Variants in AGAP1 observed in about 807,000 individuals in gnomAD.
AGAP1 encodes ArfGAP with GTPase domain, ankyrin repeat and PH domain 1.
A neutral mutation model predicts 105.3 loss-of-function variants in AGAP1; 29 were observed. The observed-to-expected ratio is 0.28, with a 90% CI of 0.21 to 0.38. The LOEUF is 0.38. Ranked by LOEUF, AGAP1 falls within the 10% of genes least tolerant of loss-of-function variation. AGAP1 has a pLI of 1.00. For missense variants in AGAP1, 998 were observed against 1,165.1 expected, an observed-to-expected ratio of 0.86 and a Z score of 2.09; for synonymous variants, 509 against 485.9, an observed-to-expected ratio of 1.05 and a Z score of -0.63.
At chr2:235,671,071 C>T (rs1948391352) in intron 1 of AGAP1, 2 of 1,260,434 alleles carry the variant, frequency 1.6e-6, no homozygotes, top group South Asian at 3.0e-5. Flanking sequence ...GGCAGCGTGG[C>T]CGGGGGTCCC....
rs906151649 is a variant in AGAP1 at position 235,959,552 on chromosome 2, G to T, written c.1484-8910G>T. ...AACACCCAGCCCAGGAGAGGTCAGG[G>T]CCTGGCCTCCAGGTGGGTCCTCTCT... is the stretch of plus-strand genomic sequence containing the variant. On this transcript the variant is annotated intron_variant, in intron 12 of 17. Transcript: ENST00000304032. The surrounding 1 kb of genome is among the most constrained non-coding windows in gnomAD (Gnocchi z 7.3). Among the ~76,000 whole-genome samples the T allele has an allele frequency of 1.3e-5, 2 of 152,004 alleles. No homozygotes were observed. The highest frequency in any genetic ancestry group is 2.9e-5 in the Non-Finnish European group (2 of 67,984).
intron 9 of AGAP1, among the ~76,000 whole-genome samples, chr2:235,844,887 T>C (rs1396464310): frequency 6.6e-6 from 1 of 152,192 alleles, no homozygotes; most frequent in Non-Finnish European, 1.5e-5. Context: ...ATTCCCAAGA[T>C]GGCCTTCTGT....
chr2:235,503,788 G>A (rs1215925074), intron 1 of AGAP1, among the ~76,000 whole-genome samples: 1 of 152,130 alleles, frequency 6.6e-6, no homozygotes, highest in Admixed American at 6.6e-5. Flanking sequence ...TAGAGACGGG[G>A]TTTCACCATG....
rs1559290852 is a variant in AGAP1, at chr2:235,615,502, G to A, written c.164-93677G>A. 1.3e-5 allele frequency among the ~76,000 whole-genome samples: 2 copies of A among 151,994 alleles called. No homozygotes were observed. Among genetic ancestry groups the A allele is most frequent in the South Asian group, 2.1e-4 (1 of 4,824 alleles). On this transcript the variant is annotated intron_variant, in intron 1 of 17. Transcript: ENST00000304032. The surrounding 1 kb of genome is among the most constrained non-coding windows in gnomAD (Gnocchi z 5.0). Reference sequence around the variant, plus strand: ...TATTAAATCTTGCCTAAATTTATCCGTAAGCATGGATCAAATGCACATTTG... The same window carrying A: ...TATTAAATCTTGCCTAAATTTATCCATAAGCATGGATCAAATGCACATTTG...
chr2:235,524,688 G>A (rs1440983450), intron 1 of AGAP1: 4 of 172,280 alleles, frequency 2.3e-5, no homozygotes, highest in Non-Finnish European at 4.2e-5. Flanking sequence ...AAGGGACCCT[G>A]TGTCCAAGAG....
In AGAP1 at chr2:235,662,761, G is replaced by A. The variant is rs994028537; in HGVS notation, c.164-46418G>A. Among the ~76,000 whole-genome samples, 2 of 152,138 alleles carry A rather than the reference G, an allele frequency of 1.3e-5. No homozygotes were observed. Among genetic ancestry groups the A allele is most frequent in the African/African-American group, 4.8e-5 (2 of 41,440 alleles). On this transcript the variant is annotated intron_variant, in intron 1 of 17. Transcript: ENST00000304032. This position sits in a 1 kb window ranked among gnomAD's most constrained non-coding sequence, Gnocchi z 4.2. ...AGCTGCAGGAGTTGGGGTTTTCTGG[G>A]CTCACACCCAGCCTGTGTCCCTCAT...
chr2:235,971,916 C>T lies in AGAP1; in HGVS notation c.1645+3293C>T, dbSNP rs1010592372. ...ACCTCAGCCTCCCAAGTAGCTGGGA[C>T]CACAGGCAGGCACCACGACACCTGG... On this transcript the variant is annotated intron_variant, in intron 13 of 17. Coordinates refer to ENST00000304032, the MANE Select transcript of AGAP1 (RefSeq NM_001037131.3). This position sits in a 1 kb window ranked among gnomAD's most constrained non-coding sequence, Gnocchi z 4.8. Among the ~76,000 whole-genome samples the T allele has an allele frequency of 1.3e-5, 2 of 151,510 alleles. No homozygotes were observed. The highest frequency in any genetic ancestry group is 4.8e-5 in the African/African-American group (2 of 41,250).
At chr2:235,677,168 A>G (rs1948786730) in intron 1 of AGAP1, among the ~76,000 whole-genome samples, 1 of 152,180 alleles carries the variant, frequency 6.6e-6, no homozygotes, top group Non-Finnish European at 1.5e-5. Context: ...ACATTTAGCT[A>G]GTTTTAATTC....
rs1269424565 is a variant in AGAP1, at chr2:235,740,703, C to T, written c.311-260C>T. ...ATAGAAAGCCCACATGAGAAGTCCA[C>T]ACTAATTGGCCACGAGTGTCTGGCA... is the stretch of plus-strand genomic sequence containing the variant. On this transcript the variant is annotated intron_variant, in intron 3 of 17. Transcript: ENST00000304032. The surrounding 1 kb of genome is among the most constrained non-coding windows in gnomAD (Gnocchi z 5.7). Among the ~76,000 whole-genome samples the T allele has an allele frequency of 6.6e-6, 1 of 152,240 alleles. No individual in the cohort carries two copies. The highest frequency in any genetic ancestry group is 1.5e-5 in the Non-Finnish European group (1 of 68,048).
chr2:235,922,507 G>A (rs1243742174), intron 11 of AGAP1, among the ~76,000 whole-genome samples: 1 of 152,162 alleles, frequency 6.6e-6, no homozygotes, highest in East Asian at 1.9e-4. Flanking sequence ...AGTCCTATTT[G>A]TAAAGACAGA....
chr2:235,795,294 G>A (rs547996538), intron 6 of AGAP1, among the ~76,000 whole-genome samples: 9 of 152,132 alleles, frequency 5.9e-5, no homozygotes, highest in African/African-American at 9.7e-5. Context: ...TAAGTGAGGC[G>A]CCCAGAGATT....
At chr2:235,595,335 A>T (rs1251181269) in intron 1 of AGAP1, among the ~76,000 whole-genome samples, 1 of 152,202 alleles carries the variant, frequency 6.6e-6, no homozygotes, top group South Asian at 2.1e-4. Flanking sequence ...GGGGCCGGAA[A>T]CCGTGAAACT....
rs2051072425 is a variant in AGAP1 at position 235,901,690 on chromosome 2, G to A, written c.1156-7048G>A. On this transcript the variant is annotated intron_variant, in intron 10 of 17. Transcript: ENST00000304032. This position sits in a 1 kb window ranked among gnomAD's most constrained non-coding sequence, Gnocchi z 4.3. ...GAAGTCAGAAGTTGGAGACTAGTCT[G>A]GCCAACATGGTGAAACCCCATCTCT... 6.6e-6 allele frequency among the ~76,000 whole-genome samples: 1 copy of A among 152,122 alleles called. No individual in the cohort carries two copies. The highest frequency in any genetic ancestry group is 2.1e-4 in the South Asian group (1 of 4,824).
rs1049683683 is a variant in AGAP1 at position 235,724,479 on chromosome 2, A to C, written c.310+6835A>C. 5.9e-5 allele frequency among the ~76,000 whole-genome samples: 9 copies of C among 152,170 alleles called. No individual in the cohort carries two copies. Among genetic ancestry groups the C allele is most frequent in the African/African-American group, 2.2e-4 (9 of 41,452 alleles). ...AGAATATGATAGCTGAGGTAGCTGG[A>C]AGAGTATGGTCAAGGAGCTCAAGGC... On this transcript the variant is annotated intron_variant, in intron 3 of 17. Coordinates refer to ENST00000304032, the MANE Select transcript of AGAP1 (RefSeq NM_001037131.3). This position sits in a 1 kb window ranked among gnomAD's most constrained non-coding sequence, Gnocchi z 4.9.
intron 1 of AGAP1, chr2:235,505,790 G>A (rs1559207995): frequency 6.6e-6 from 1 of 152,118 alleles, no homozygotes; most frequent in Non-Finnish European, 1.5e-5. Context: ...CTTCAGCCTG[G>A]GAAGAGCGGG....
chr2:236,044,326 A>C lies in AGAP1; in HGVS notation c.1891+3485A>C, dbSNP rs2057651044. Among the ~76,000 whole-genome samples the C allele has an allele frequency of 6.6e-6, 1 of 152,100 alleles. No individual in the cohort carries two copies. Among genetic ancestry groups the C allele is most frequent in the East Asian group, 1.9e-4 (1 of 5,178 alleles). ...ACATGCCAAGGAAAGTCCACACCTGAGGGCCCCTGAGAATCCTAGGGCTTG... is the reference window on the plus strand; with the variant it reads ...ACATGCCAAGGAAAGTCCACACCTGCGGGCCCCTGAGAATCCTAGGGCTTG... On this transcript the variant is annotated intron_variant, in intron 15 of 17. Transcript: ENST00000304032. This position sits in a 1 kb window ranked among gnomAD's most constrained non-coding sequence, Gnocchi z 5.7.
chr2:235,853,201 GA>G, intron 9 of AGAP1: 1 of 1,046,776 alleles, frequency 9.6e-7, no homozygotes, highest in East Asian at 7.5e-5. Context: ...ATCCAAGATT[GA>G]GCGGATCTGT....
Position 236,012,069 on chromosome 2 carries a change from G to A in AGAP1, c.1646-24492G>A, listed in dbSNP as rs7557693. Among the ~76,000 whole-genome samples, 98,342 of 152,006 alleles carry A rather than the reference G, an allele frequency of 0.65. 33,025 individuals carry two copies. The highest frequency in any genetic ancestry group is 0.82 in the African/African-American group (34,199 of 41,468). On this transcript the variant is annotated intron_variant, in intron 13 of 17. Transcript: ENST00000304032. This position sits in a 1 kb window ranked among gnomAD's most constrained non-coding sequence, Gnocchi z 4.9. ...GACCGATGCACATATCAGGACCTTG[G>A]TATCAGCTAGAAAACATCCATTTGT...
chr2:236,046,103 G>A lies in AGAP1; in HGVS notation c.1892-2956G>A, dbSNP rs2057710661. On this transcript the variant is annotated intron_variant, in intron 15 of 17. Transcript: ENST00000304032. The surrounding 1 kb of genome is among the most constrained non-coding windows in gnomAD (Gnocchi z 5.2). Reference sequence around the variant, plus strand: ...GCTTCTGTATCTGCAACCCACAGCGGCATGGAGGGCGGTGGGGTGGGCATA... The same window carrying A: ...GCTTCTGTATCTGCAACCCACAGCGACATGGAGGGCGGTGGGGTGGGCATA... The A allele has an allele frequency of 4.4e-6, 2 of 452,560 alleles. No homozygotes were observed. Among genetic ancestry groups the A allele is most frequent in the South Asian group, 3.2e-5 (2 of 63,118 alleles). 28.0% of individuals were successfully genotyped at this position (452,560 alleles called of 1,614,324 possible).
Sources: allele counts gnomAD v4.1 joint callset (sites outside exome capture counted in the v4.1 genomes callset), GRCh38; gene constraint gnomAD v4.1.1; non-coding constraint Gnocchi (gnomAD v3.1); transcripts MANE v1.5; gene names NCBI Gene and HGNC (gene_info 2026-07-23, HGNC 2026-07-21).